The following VAV1 variants were observed in gnomAD, a reference collection of about 807,000 sequenced individuals.
VAV1 encodes proto-oncogene vav.
A neutral mutation model predicts 128.1 loss-of-function variants in VAV1; 33 were observed. The observed-to-expected ratio is 0.26, with a 90% confidence interval of 0.20 to 0.34. The LOEUF (loss-of-function observed/expected upper bound fraction) is 0.34. Ranked by LOEUF, VAV1 falls within the 10% of genes least tolerant of loss-of-function variation. The pLI is 1.00. For missense variants in VAV1, 715 were observed against 1,093.7 expected (o/e 0.65, Z 4.88); for synonymous variants, 394 against 409.8 (o/e 0.96, Z 0.47).
intron 1 of VAV1, among the ~76,000 whole-genome samples, chr19:6,794,851 C>T (rs546072863): frequency 6.6e-6 from 1 of 152,218 alleles, no homozygotes; most frequent in East Asian, 1.9e-4. Context: ...ATGATGGTGC[C>T]TCAGCTCCAT....
intron 1 of VAV1, among the ~76,000 whole-genome samples, chr19:6,780,852 G>A (rs544485374): frequency 5.4e-5 from 8 of 147,452 alleles, no homozygotes; most frequent in East Asian, 4.0e-4. Flanking sequence ...GGGATTACAC[G>A]TGATAGCCAC....
intron 24 of VAV1, among the ~76,000 whole-genome samples, chr19:6,852,614 G>A (rs564328576): frequency 3.8e-3 from 581 of 151,914 alleles, no homozygotes; most frequent in Non-Finnish European, 6.6e-3. Context: ...CCAGCTACTC[G>A]GGAGGCTGAG....
intron 1 of VAV1, among the ~76,000 whole-genome samples, chr19:6,788,246 A>G (rs1361435034): frequency 6.6e-6 from 1 of 151,838 alleles, no homozygotes. Flanking sequence ...CTCTAAATTT[A>G]TATTCTCATC....
intron 15 of VAV1, among the ~76,000 whole-genome samples, chr19:6,832,739 T>C (rs73000309): frequency 0.099 from 12,258 of 124,380 alleles, 592 homozygotes; most frequent in Non-Finnish European, 0.12. Flanking sequence ...TCCTCCTCCT[T>C]CTTCTTCCCC....
At chr19:6,852,577 T>C (rs1178139824) in intron 24 of VAV1, among the ~76,000 whole-genome samples, 1 of 151,426 alleles carries the variant, frequency 6.6e-6, no homozygotes, top group Non-Finnish European at 1.5e-5. Flanking sequence ...AAAAATTAGC[T>C]GGGCGTAGTG....
intron 26 of VAV1, 76 bp downstream of exon 26, chr19:6,854,174 TG>T: frequency 6.4e-7 from 1 of 1,553,624 alleles, no homozygotes. Context: ...AACTGGGGAC[TG>T]GAGAAGGTGA....
intron 1 of VAV1, among the ~76,000 whole-genome samples, chr19:6,785,661 C>CTTT (rs754577854): frequency 2.3e-5 from 3 of 128,504 alleles, no homozygotes; most frequent in Non-Finnish European, 5.0e-5. Context: ...TTCTTTCTTT[C>CTTT]TTTTTTTTTT....
At chr19:6,786,162 C>A (rs1456956853) in intron 1 of VAV1, among the ~76,000 whole-genome samples, 1 of 152,072 alleles carries the variant, frequency 6.6e-6, no homozygotes, top group Non-Finnish European at 1.5e-5. Context: ...TATTTTACGT[C>A]CCCCAGTGCT....
chr19:6,837,087 G>C, intron 21 of VAV1, 37 bp downstream of exon 21: 1 of 1,607,564 alleles, frequency 6.2e-7, no homozygotes, highest in South Asian at 1.1e-5. Context: ...AAGGGCAAGG[G>C]GTCCAGGGCG....
intron 1 of VAV1, among the ~76,000 whole-genome samples, chr19:6,783,838 T>C (rs1970825568): frequency 6.6e-6 from 1 of 151,946 alleles, no homozygotes; most frequent in African/African-American, 2.4e-5. Context: ...AGGAATGTGG[T>C]TAAACTGGAG....
At chr19:6,854,607 C>T (rs1199207644) in intron 26 of VAV1, among the ~76,000 whole-genome samples, 1 of 151,868 alleles carries the variant, frequency 6.6e-6, no homozygotes, top group African/African-American at 2.4e-5. Flanking sequence ...CCCAGGTACT[C>T]AGGAAGCTGA....
In VAV1 at chr19:6,828,562, A is replaced by G. The variant is rs56405507; in HGVS notation, c.1093-60A>G. The G allele has an allele frequency of 0.014, 21,850 of 1,613,344 alleles. 230 individuals are homozygous for G. Among genetic ancestry groups the G allele is most frequent in the African/African-American group, 0.044 (3,302 of 74,928 alleles). The stretch of plus-strand genomic sequence containing the variant: ...GGTAGGGGCTGATCCTCTAGCCGGG[A>G]TTAGGTAGGAGCCTGGGTCGGCTGT... On this transcript the variant is annotated intron_variant, in intron 11 of 26. Transcript: ENST00000602142. This position sits in a 1 kb window ranked among gnomAD's most constrained non-coding sequence, Gnocchi z 4.5.
At chr19:6,845,950 T>C (rs977341438) in intron 22 of VAV1, among the ~76,000 whole-genome samples, 2 of 148,758 alleles carry the variant, frequency 1.3e-5, no homozygotes, top group Non-Finnish European at 3.0e-5. Context: ...ATATTGCACA[T>C]TTATGTTTAT....
At chr19:6,841,010 T>C (rs1568314386) in intron 21 of VAV1, among the ~76,000 whole-genome samples, 1 of 151,938 alleles carries the variant, frequency 6.6e-6, no homozygotes, top group Non-Finnish European at 1.5e-5. Flanking sequence ...ACTCCTGACC[T>C]GAGGTGATCT....
intron 22 of VAV1, 115 bp from the exon 23 acceptor site, chr19:6,847,883 C>T: frequency 2.1e-6 from 2 of 933,254 alleles, no homozygotes; most frequent in Non-Finnish European, 3.0e-6. Flanking sequence ...TAGAGCCAGG[C>T]TGTCACCAAC....
chr19:6,826,545 T>A lies in VAV1; in HGVS notation c.828-67T>A. On this transcript the variant is annotated intron_variant, in intron 8 of 26. Coordinates refer to ENST00000602142, the MANE Select transcript of VAV1 (RefSeq NM_005428.4). This position sits in a 1 kb window ranked among gnomAD's most constrained non-coding sequence, Gnocchi z 4.1. ...CAGCGGGGAAGAGCAAGGCCAGGGC[T>A]GACGCCAGCCTCTGCCCGACCTTGA... The A allele has an allele frequency of 7.9e-7, 1 of 1,260,032 alleles. No individual in the cohort carries two copies. The allele number at this position is 1,260,032 out of a possible 1,614,324, so 78.1% of individuals were successfully genotyped here. A position where few individuals can be genotyped will look rare whatever the true frequency, so the allele number is the denominator to read the frequency against.
intron 21 of VAV1, among the ~76,000 whole-genome samples, chr19:6,841,942 T>A (rs556788409): frequency 6.6e-6 from 1 of 151,494 alleles, no homozygotes; most frequent in Non-Finnish European, 1.5e-5. Context: ...GTGAGCACTT[T>A]CGGCCGGGCG....
chr19:6,843,228 G>A (rs1568315578), intron 22 of VAV1, 62 bp downstream of exon 22: 2 of 1,587,538 alleles, frequency 1.3e-6, no homozygotes, highest in Non-Finnish European at 1.7e-6. Flanking sequence ...TCCAGGCTGG[G>A]TATGGGAGGA....
At chr19:6,833,039 A>G in intron 15 of VAV1, 145 bp from the exon 16 acceptor site, 1 of 676,864 alleles carries the variant, frequency 1.5e-6, no homozygotes, top group East Asian at 2.8e-5. Context: ...AGTGTGGCCA[A>G]AGGGTGAAAA....
Sources: allele counts gnomAD v4.1 joint callset (sites outside exome capture counted in the v4.1 genomes callset), GRCh38; gene constraint gnomAD v4.1.1; non-coding constraint Gnocchi (gnomAD v3.1); transcripts MANE v1.5; gene names NCBI Gene and HGNC (gene_info 2026-07-23, HGNC 2026-07-21).